FBXW8: variants seen among roughly 807,000 people sequenced by gnomAD.
The protein encoded by FBXW8 is F-box and WD repeat domain containing 8.
FBXW8 carries 57 observed loss-of-function variants against 65.3 expected under a neutral mutation model. The observed-to-expected ratio is 0.87, with a 90% CI of 0.71 to 1.09. FBXW8 has a LOEUF of 1.09. Ranked by LOEUF, FBXW8 falls within the 50% of genes least tolerant of loss-of-function variation. The pLI, the probability that FBXW8 is intolerant of heterozygous loss-of-function variation, is 0.00. For synonymous variants in FBXW8, 308 were observed against 330.2 expected (o/e 0.93, Z 0.73); for missense variants, 777 against 814.8 (o/e 0.95, Z 0.57).
intron 7 of FBXW8, among the ~76,000 whole-genome samples, chr12:116,991,603 G>A (rs1315427305): frequency 1.3e-5 from 2 of 152,226 alleles, no homozygotes; most frequent in Admixed American, 1.3e-4. Flanking sequence ...ACTATTAGCA[G>A]TAGAGTTTGC....
intron 8 of FBXW8, among the ~76,000 whole-genome samples, chr12:117,017,685 G>A (rs1953985501): frequency 1.3e-5 from 2 of 152,062 alleles, no homozygotes; most frequent in Admixed American, 1.3e-4. Flanking sequence ...CATAAAAAAA[G>A]CCTACATTGT....
At chr12:116,982,624 T>G (rs1382349477) in intron 5 of FBXW8, among the ~76,000 whole-genome samples, 1 of 518 alleles carries the variant, frequency 1.9e-3, no homozygotes, top group Non-Finnish European at 0.012. Context: ...GAGCCCTGGA[T>G]TTTTTTTTTT....
chr12:116,928,372 C>T (rs930246020), intron 2 of FBXW8, among the ~76,000 whole-genome samples: 11 of 152,194 alleles, frequency 7.2e-5, no homozygotes, highest in Admixed American at 6.5e-4. Context: ...TATGGCTGAC[C>T]TGTGGCAGTG....
At chr12:116,995,684 G>A (rs1315868753) in intron 7 of FBXW8, among the ~76,000 whole-genome samples, 2 of 152,036 alleles carry the variant, frequency 1.3e-5, no homozygotes, top group African/African-American at 4.8e-5. Flanking sequence ...AGGTTCTGAT[G>A]TTGCATTCTT....
At chr12:116,940,575 G>A (rs908461947) in intron 2 of FBXW8, among the ~76,000 whole-genome samples, 1 of 150,916 alleles carries the variant, frequency 6.6e-6, no homozygotes, top group Non-Finnish European at 1.5e-5. Context: ...TTACTGTTGC[G>A]AGGAAGAGAA....
intron 7 of FBXW8, among the ~76,000 whole-genome samples, chr12:116,999,624 C>T (rs1035571333): frequency 9.2e-5 from 14 of 152,184 alleles, no homozygotes; most frequent in African/African-American, 3.4e-4. Context: ...TCACGGTCCA[C>T]TTCAGGTTTT....
intron 7 of FBXW8, among the ~76,000 whole-genome samples, chr12:117,000,432 A>G (rs545394291): frequency 1.3e-5 from 2 of 152,252 alleles, no homozygotes; most frequent in Non-Finnish European, 2.9e-5. Context: ...TAGGTAGAGC[A>G]CAGGGGTTCT....
At chr12:117,019,139 A>G (rs1375081669) in intron 8 of FBXW8, among the ~76,000 whole-genome samples, 1 of 152,190 alleles carries the variant, frequency 6.6e-6, no homozygotes, top group Non-Finnish European at 1.5e-5. Context: ...GTCATCTTCA[A>G]GCTCTCTCTG....
intron 10 of FBXW8, 73 bp from the exon 11 acceptor site, chr12:117,027,955 C>A: frequency 6.3e-7 from 1 of 1,596,044 alleles, no homozygotes. Context: ...ACGCCTCCTG[C>A]ACAGACAGAA....
chr12:116,930,494 G>A (rs1322938646), intron 2 of FBXW8, among the ~76,000 whole-genome samples: 1 of 152,062 alleles, frequency 6.6e-6, no homozygotes, highest in Non-Finnish European at 1.5e-5. Context: ...TGGGTTTTTT[G>A]TCTTCTTGCT....
At chr12:117,010,961 T>G (rs1258395304) in intron 8 of FBXW8, among the ~76,000 whole-genome samples, 1 of 152,220 alleles carries the variant, frequency 6.6e-6, no homozygotes, top group Non-Finnish European at 1.5e-5. Context: ...AGCCTTCTCT[T>G]TAATGCACTG....
At chr12:116,926,501 G>A (rs1043785203) in intron 1 of FBXW8, among the ~76,000 whole-genome samples, 7 of 152,162 alleles carry the variant, frequency 4.6e-5, no homozygotes, top group Non-Finnish European at 8.8e-5. Flanking sequence ...TATCTGGGCC[G>A]AGAGAGAAAG....
chr12:116,995,572 A>G (rs1953354873), intron 7 of FBXW8, among the ~76,000 whole-genome samples: 1 of 152,192 alleles, frequency 6.6e-6, no homozygotes, highest in African/African-American at 2.4e-5. Context: ...TTTTTTCCTC[A>G]GTTCCTACGT....
chr12:117,013,329 G>A (rs1458419288), intron 8 of FBXW8, among the ~76,000 whole-genome samples: 1 of 152,218 alleles, frequency 6.6e-6, no homozygotes, highest in African/African-American at 2.4e-5. Flanking sequence ...TAATGTTAGA[G>A]TATGCTTTTC....
intron 7 of FBXW8, among the ~76,000 whole-genome samples, chr12:117,009,559 A>T (rs1161344606): frequency 1.3e-5 from 2 of 152,256 alleles, no homozygotes; most frequent in African/African-American, 2.4e-5. Context: ...CTCAGCACCT[A>T]CGACAGTGAC....
In FBXW8 at chr12:116,945,371, A is replaced by G. The variant is rs755683763; in HGVS notation, c.431A>G (p.Lys144Arg). 1.9e-6 allele frequency: 3 copies of G among 1,611,026 alleles called. No homozygotes were observed. Among genetic ancestry groups the G allele is most frequent in the Admixed American group, 1.7e-5 (1 of 59,880 alleles). The change falls in exon 3 of 11, where the codon AAG (lysine) becomes AGG (arginine). Residue 144 changes from lysine (K) to arginine (R), a missense_variant. Transcript: ENST00000652555. ...TCACTTCTGCTGTTTTAGGTGAGCA[A>G]GACGTGGAAGGTGATTGCAGAGGAT... ...KELGRCAQVS[K>R]TWKVIAEDEV...
At chr12:117,001,363 A>G (rs1323716021) in intron 7 of FBXW8, among the ~76,000 whole-genome samples, 1 of 152,180 alleles carries the variant, frequency 6.6e-6, no homozygotes, top group Non-Finnish European at 1.5e-5. Flanking sequence ...GCCCTCTTCT[A>G]GAAGCTTTTG....
chr12:116,958,168 T>G (rs557202123), intron 4 of FBXW8, among the ~76,000 whole-genome samples: 1 of 152,242 alleles, frequency 6.6e-6, no homozygotes, highest in African/African-American at 2.4e-5. Flanking sequence ...AAGCCCCACT[T>G]GATGTTTGTT....
At chr12:116,971,244 A>G (rs1884627916) in intron 5 of FBXW8, among the ~76,000 whole-genome samples, 3 of 151,964 alleles carry the variant, frequency 2.0e-5, no homozygotes, top group African/African-American at 7.3e-5. Context: ...CTGTGGTCCC[A>G]GCTACTTGGC....
Sources: allele counts gnomAD v4.1 joint callset (sites outside exome capture counted in the v4.1 genomes callset), GRCh38; gene constraint gnomAD v4.1.1; transcripts MANE v1.5; gene names NCBI Gene and HGNC (gene_info 2026-07-23, HGNC 2026-07-21).